The following FAT3 variants were observed in gnomAD, a reference collection of about 807,000 sequenced individuals.
FAT3 encodes the protein FAT atypical cadherin 3, also known as protocadherin Fat 3.
FAT3 carries 95 observed loss-of-function variants against 310.2 expected under a neutral mutation model. The ratio of observed to expected loss-of-function variants is 0.31; its 90% CI spans 0.26 to 0.36. FAT3 has a LOEUF of 0.36. Ranked by LOEUF, FAT3 falls within the 10% of genes least tolerant of loss-of-function variation. FAT3 has a pLI of 1.00. For synonymous variants in FAT3, 2,314 were observed against 2,192.9 expected, an observed-to-expected ratio of 1.06 and a Z score of -1.54; for missense variants, 5,408 against 5,715.6, an observed-to-expected ratio of 0.95 and a Z score of 1.74.
chr11:92,883,359 C>T lies in FAT3; in HGVS notation c.12903C>T (p.Ser4301=), dbSNP rs570593684. Residue 4301 remains serine, a synonymous_variant, in exon 24 of 28, where the codon TCC becomes TCT. Coordinates refer to ENST00000525166, the MANE Select transcript of FAT3 (RefSeq NM_001367949.2). The surrounding 1 kb of genome is among the most constrained non-coding windows in gnomAD (Gnocchi z 4.2). ...CACCCTGCCGCTCCGACTGCGACTC[C>T]ATCCGGAAGAATGGCTGGGACGCGG... ...AVSPCRSDCD[S]IRKNGWDAGT... 12 of 1,606,566 alleles carry T rather than the reference C, an allele frequency of 7.5e-6. No individual in the cohort carries two copies. The highest frequency in any genetic ancestry group is 1.0e-5 in the Non-Finnish European group (12 of 1,175,688).
chr11:92,668,927 T>C (rs568780836), intron 3 of FAT3, among the ~76,000 whole-genome samples: 2 of 152,174 alleles, frequency 1.3e-5, no homozygotes, highest in Non-Finnish European at 1.5e-5. Flanking sequence ...ATCTCTTTCT[T>C]AGGGATTGGG....
At chr11:92,259,572 T>G (rs1208280265) in intron 1 of FAT3, among the ~76,000 whole-genome samples, 2 of 151,292 alleles carry the variant, frequency 1.3e-5, no homozygotes, top group African/African-American at 2.4e-5. Flanking sequence ...TAAAAATAAA[T>G]AAAAAAAGGA....
At chr11:92,734,546 G>A (rs891315124) in intron 4 of FAT3, among the ~76,000 whole-genome samples, 1 of 152,138 alleles carries the variant, frequency 6.6e-6, no homozygotes, top group South Asian at 2.1e-4. Flanking sequence ...ATGAGATAAT[G>A]TCGGTTGGTT....
At chr11:92,504,483 A>T (rs1953041776) in intron 2 of FAT3, among the ~76,000 whole-genome samples, 1 of 152,162 alleles carries the variant, frequency 6.6e-6, no homozygotes, top group Admixed American at 6.6e-5. Context: ...TGCAGGAAAC[A>T]TGCAAATGAC....
chr11:92,449,940 A>G (rs1307851504), intron 2 of FAT3, among the ~76,000 whole-genome samples: 4 of 152,134 alleles, frequency 2.6e-5, no homozygotes, highest in Non-Finnish European at 5.9e-5. Context: ...AACATGGGCC[A>G]CTTCCTTTTC....
intron 2 of FAT3, among the ~76,000 whole-genome samples, chr11:92,497,368 G>T (rs1354583032): frequency 6.6e-6 from 1 of 152,050 alleles, no homozygotes; most frequent in Non-Finnish European, 1.5e-5. Flanking sequence ...ACCAACAGAT[G>T]CGTAATGAAG....
intron 3 of FAT3, among the ~76,000 whole-genome samples, chr11:92,588,372 A>C (rs1939257677): frequency 6.6e-6 from 1 of 152,024 alleles, no homozygotes; most frequent in Non-Finnish European, 1.5e-5. Context: ...TACATCCACT[A>C]AATCCAGTTA....
chr11:92,548,014 G>T (rs1000776307), intron 3 of FAT3, among the ~76,000 whole-genome samples: 10 of 152,152 alleles, frequency 6.6e-5, no homozygotes, highest in Admixed American at 6.5e-4. Context: ...TCTACAAGCA[G>T]TACTAGCTTG....
At chr11:92,387,134 G>A (rs1351654838) in intron 2 of FAT3, among the ~76,000 whole-genome samples, 2 of 151,578 alleles carry the variant, frequency 1.3e-5, no homozygotes, top group Non-Finnish European at 2.9e-5. Flanking sequence ...GAACGTCAGA[G>A]CGTCCTTTCC....
At chr11:92,602,190 C>T (rs1940061364) in intron 3 of FAT3, among the ~76,000 whole-genome samples, 1 of 152,184 alleles carries the variant, frequency 6.6e-6, no homozygotes, top group East Asian at 1.9e-4. Context: ...TCTCCTGCCT[C>T]AGCCTCCTGA....
chr11:92,649,622 G>A (rs1674083), intron 3 of FAT3, among the ~76,000 whole-genome samples: 21,303 of 151,902 alleles, frequency 0.14, 1,611 homozygotes, highest in Non-Finnish European at 0.15. Flanking sequence ...GTGCCTCAGC[G>A]CTTTGTTAGC....
At chr11:92,479,878 C>T (rs943850389) in intron 2 of FAT3, among the ~76,000 whole-genome samples, 3 of 152,148 alleles carry the variant, frequency 2.0e-5, no homozygotes, top group Admixed American at 6.5e-5. Flanking sequence ...CTGTCCATCT[C>T]GTCTATCCAG....
At position 92,534,494 on chromosome 11, in the gene FAT3, T is replaced by G. The variant is rs958512416; in HGVS notation, c.3607+9546T>G. Among the ~76,000 whole-genome samples, 9 of 152,202 alleles carry G rather than the reference T, an allele frequency of 5.9e-5. No homozygotes were observed. In the East Asian group the frequency reaches 1.7e-3, roughly 29 times the overall value. On this transcript the variant is annotated intron_variant, in intron 3 of 27. Transcript: ENST00000525166. ...TTTCAGATGATTAAGCACACATTCT[T>G]TGTTTTATAGGTGTGTTAGGGGTTG... is the stretch of plus-strand genomic sequence containing the variant.
At chr11:92,681,526 T>C (rs1403358596) in intron 3 of FAT3, among the ~76,000 whole-genome samples, 1 of 152,088 alleles carries the variant, frequency 6.6e-6, no homozygotes, top group South Asian at 2.1e-4. Flanking sequence ...TTGCAATGCT[T>C]TGGTGAATTT....
In FAT3 at chr11:92,834,822, C is replaced by A. The variant is rs373503843; in HGVS notation, c.9872-48C>A. 5.2e-5 allele frequency: 74 copies of A among 1,431,712 alleles called. No homozygotes were observed. The African/African-American group carries it at 1.0e-3, about 19-fold the overall frequency. 88.7% of individuals were successfully genotyped at this position (1,431,712 alleles called of 1,614,324 possible). A position where few individuals can be genotyped will look rare whatever the true frequency, so the allele number is the denominator to read the frequency against. On this transcript the variant is annotated intron_variant, in intron 14 of 27. Coordinates refer to ENST00000525166, the MANE Select transcript of FAT3 (RefSeq NM_001367949.2). Reference sequence around the variant, plus strand: ...TTACCATGATTATAGAATTGCTGACCAGTGTTTTTTCCTAATGAAATATAA... The same window carrying A: ...TTACCATGATTATAGAATTGCTGACAAGTGTTTTTTCCTAATGAAATATAA...
chr11:92,547,464 G>A (rs965737096), intron 3 of FAT3, among the ~76,000 whole-genome samples: 7 of 152,138 alleles, frequency 4.6e-5, no homozygotes, highest in African/African-American at 1.7e-4. Flanking sequence ...GTGTAAAACT[G>A]TAAAATGTAA....
rs531159528 is a variant in FAT3 at position 92,640,291 on chromosome 11, A to G, written c.3608-57093A>G. Among the ~76,000 whole-genome samples the G allele has an allele frequency of 4.4e-3, 663 of 152,164 alleles. 4 individuals carry two copies. Among genetic ancestry groups the G allele is most frequent in the Non-Finnish European group, 7.7e-3 (523 of 68,004 alleles). ...GGACAGGAGCCTCTCACTCCTGCCA[A>G]CTGTGAGAACCACCAGCCAGGGTGA... On this transcript the variant is annotated intron_variant, in intron 3 of 27. Coordinates refer to ENST00000525166, the MANE Select transcript of FAT3 (RefSeq NM_001367949.2).
intron 2 of FAT3, among the ~76,000 whole-genome samples, chr11:92,363,619 T>A (rs1948936608): frequency 6.6e-6 from 1 of 152,220 alleles, no homozygotes; most frequent in Non-Finnish European, 1.5e-5. Context: ...ATGGCATCCC[T>A]GTCCTCATTC....
intron 1 of FAT3, among the ~76,000 whole-genome samples, chr11:92,266,045 A>T (rs1945936002): frequency 6.6e-6 from 1 of 152,172 alleles, no homozygotes; most frequent in Admixed American, 6.5e-5. Context: ...CCCAGCTAAA[A>T]TTATGGCTTC....
Sources: gnomAD v4.1 joint callset for allele counts (sites outside exome capture counted in the v4.1 genomes callset) on GRCh38, gnomAD v4.1.1 for gene constraint, Gnocchi (gnomAD v3.1) non-coding constraint, MANE v1.5 for transcripts, NCBI Gene and HGNC (gene_info 2026-07-23, HGNC 2026-07-21) for gene names.